The following EYA1 variants were observed in gnomAD, a reference collection of about 807,000 sequenced individuals.
EYA1 encodes the protein EYA transcriptional coactivator and phosphatase 1, also known as protein phosphatase EYA1.
EYA1 carries 16 observed loss-of-function variants against 82.0 expected under a neutral mutation model. The ratio of observed to expected loss-of-function variants is 0.20; its 90% CI spans 0.13 to 0.30. The LOEUF (loss-of-function observed/expected upper bound fraction) is 0.30, where lower values mean the gene tolerates loss of function less well. Among genes scored for constraint, EYA1 ranks in the 10% least tolerant of loss-of-function variants. The pLI is 1.00. For missense variants in EYA1, 633 were observed against 730.7 expected, an observed-to-expected ratio of 0.87 and a Z score of 1.54; for synonymous variants, 261 against 264.4, an observed-to-expected ratio of 0.99 and a Z score of 0.12.
intron 1 of EYA1, among the ~76,000 whole-genome samples, chr8:71,544,908 T>C (rs1306767205): frequency 6.6e-6 from 1 of 152,240 alleles, no homozygotes; most frequent in Non-Finnish European, 1.5e-5. Flanking sequence ...CTCACTCAGA[T>C]TCTCTTTGAC....
chr8:71,241,581 A>C (rs1014700542), intron 12 of EYA1, among the ~76,000 whole-genome samples: 1 of 152,222 alleles, frequency 6.6e-6, no homozygotes, highest in African/African-American at 2.4e-5. Context: ...CCAAAAGTCA[A>C]CAATTAGAGT....
intron 12 of EYA1, among the ~76,000 whole-genome samples, chr8:71,217,867 C>T (rs1383149229): frequency 1.3e-5 from 2 of 152,174 alleles, no homozygotes; most frequent in South Asian, 2.1e-4. Context: ...GCCCAGTTAA[C>T]GTTTCTGCAC....
chr8:71,415,505 G>A lies in EYA1; in HGVS notation c.34-58994C>T, dbSNP rs147348512. ...AGAGAGCTAGTAAGGGTGAGGCCAA[G>A]ATTCAACAAGCTGCTCTGCTTCAGT... On this transcript the variant is annotated intron_variant, in intron 2 of 18. Transcript: ENST00000643681. Among the ~76,000 whole-genome samples the A allele has an allele frequency of 2.6e-4, 39 of 152,312 alleles. 1 individual carries two copies. In the Middle Eastern group the frequency reaches 0.01, roughly 40 times the overall value.
chr8:71,395,360 G>C (rs941852573), intron 2 of EYA1, among the ~76,000 whole-genome samples: 4 of 147,936 alleles, frequency 2.7e-5, no homozygotes, highest in Non-Finnish European at 4.5e-5. Context: ...GGGCATCCCT[G>C]TCTTGTGCCA....
intron 11 of EYA1, among the ~76,000 whole-genome samples, chr8:71,258,289 A>C (rs913009792): frequency 2.6e-5 from 4 of 152,188 alleles, no homozygotes; most frequent in African/African-American, 9.7e-5. Context: ...CAGGAAACAA[A>C]TGGTGACTCA....
intron 11 of EYA1, among the ~76,000 whole-genome samples, chr8:71,261,673 GA>G (rs1232587295): frequency 6.6e-6 from 1 of 152,196 alleles, no homozygotes; most frequent in East Asian, 1.9e-4. Context: ...AAAACCCAGT[GA>G]ATCTCAAACA....
At chr8:71,321,641 T>C in intron 6 of EYA1, 93 bp downstream of exon 6, 1 of 1,478,420 alleles carries the variant, frequency 6.8e-7, no homozygotes, top group South Asian at 1.3e-5. Context: ...CGTTCTAAAT[T>C]GGCCAAAGAT....
chr8:71,300,589 G>A (rs561652051), intron 7 of EYA1, among the ~76,000 whole-genome samples: 2 of 152,074 alleles, frequency 1.3e-5, no homozygotes, highest in African/African-American at 4.8e-5. Flanking sequence ...GAGAAATTTC[G>A]TATGCCATTT....
chr8:71,330,313 T>G (rs1269907561), intron 4 of EYA1, among the ~76,000 whole-genome samples: 34 of 152,318 alleles, frequency 2.2e-4, no homozygotes, highest in African/African-American at 7.5e-4. Context: ...AGTTATTCCT[T>G]TTCTAGCCTG....
intron 2 of EYA1, among the ~76,000 whole-genome samples, chr8:71,420,754 A>C (rs967527939): frequency 6.6e-6 from 1 of 152,198 alleles, no homozygotes; most frequent in Non-Finnish European, 1.5e-5. Flanking sequence ...TAGTCTAAGT[A>C]GTTATCTCAG....
chr8:71,281,143 T>A (rs184635526), intron 9 of EYA1, among the ~76,000 whole-genome samples: 2 of 152,322 alleles, frequency 1.3e-5, no homozygotes, highest in East Asian at 3.9e-4. Context: ...ATAAAACAGG[T>A]CATCTTACCT....
Position 71,412,304 on chromosome 8 carries a change from C to T in EYA1, c.34-55793G>A, listed in dbSNP as rs1469389953. Among the ~76,000 whole-genome samples the T allele has an allele frequency of 1.0e-4, 15 of 147,100 alleles. No homozygotes were observed. The East Asian group carries it at 2.8e-3, about 28-fold the overall frequency. On this transcript the variant is annotated intron_variant, in intron 2 of 18. Coordinates refer to the EYA1 transcript ENST00000643681. ...AGATGACGAGTTAGTGGGTGCAGCG[C>T]ACCAGCATGGCACATGTATACATAT...
chr8:71,202,225 C>G (rs1486712712), intron 17 of EYA1, among the ~76,000 whole-genome samples: 1 of 148,766 alleles, frequency 6.7e-6, no homozygotes, highest in African/African-American at 2.5e-5. Flanking sequence ...TGCCATGACT[C>G]TCAGAGAAAT....
intron 2 of EYA1, among the ~76,000 whole-genome samples, chr8:71,367,709 T>TCAATAGGTATAC (rs1344555858): frequency 1.3e-5 from 2 of 152,192 alleles, no homozygotes; most frequent in African/African-American, 4.8e-5. Context: ...TTAAGCAATG[T>TCAATAGGTATAC]CAATAGGTAT....
intron 11 of EYA1, among the ~76,000 whole-genome samples, chr8:71,266,861 A>G (rs1356897312): frequency 1.3e-5 from 2 of 151,850 alleles, no homozygotes; most frequent in African/African-American, 2.4e-5. Flanking sequence ...ATATACGACT[A>G]TTTTCTCAGT....
intron 9 of EYA1, among the ~76,000 whole-genome samples, chr8:71,276,864 C>G (rs1413258414): frequency 6.6e-6 from 1 of 152,174 alleles, no homozygotes; most frequent in Non-Finnish European, 1.5e-5. Flanking sequence ...TTAGCCTTTA[C>G]ATGACTCAGT....
intron 7 of EYA1, among the ~76,000 whole-genome samples, chr8:71,301,314 A>G (rs1820174789): frequency 6.6e-6 from 1 of 152,190 alleles, no homozygotes; most frequent in African/African-American, 2.4e-5. Flanking sequence ...CAAAAACTCT[A>G]CTTTGCAGTG....
intron 2 of EYA1, among the ~76,000 whole-genome samples, chr8:71,489,521 A>G (rs1465230290): frequency 1.3e-5 from 2 of 152,236 alleles, no homozygotes; most frequent in Admixed American, 6.5e-5. Flanking sequence ...ACCTTTACAC[A>G]TAAGCCTGTT....
intron 2 of EYA1, among the ~76,000 whole-genome samples, chr8:71,455,277 CA>C (rs869196966): frequency 2.0e-5 from 3 of 150,536 alleles, no homozygotes; most frequent in African/African-American, 4.9e-5. Flanking sequence ...GCCTACCAAC[CA>C]AAAAAAAAGT....
Sources: gnomAD v4.1 joint callset for allele counts (sites outside exome capture counted in the v4.1 genomes callset) on GRCh38, gnomAD v4.1.1 for gene constraint, MANE v1.5 for transcripts, NCBI Gene and HGNC (gene_info 2026-07-23, HGNC 2026-07-21) for gene names.